The following RGS6 variants were observed in gnomAD, a reference collection of about 807,000 sequenced individuals.
RGS6 encodes the protein regulator of G protein signaling 6.
RGS6 carries 30 observed loss-of-function variants against 78.5 expected under a neutral mutation model. The ratio of observed to expected loss-of-function variants is 0.38; its 90% confidence interval spans 0.29 to 0.52. The LOEUF (loss-of-function observed/expected upper bound fraction) is 0.52. Ranked by LOEUF, RGS6 falls within the 20% of genes least tolerant of loss-of-function variation. RGS6 has a pLI of 0.85. For synonymous variants in RGS6, 206 were observed against 206.0 expected (o/e 1.00, Z 0.00); for missense variants, 495 against 609.7 (o/e 0.81, Z 1.98).
intron 3 of RGS6, among the ~76,000 whole-genome samples, chr14:72,405,458 G>A (rs1197895413): frequency 6.6e-6 from 1 of 152,186 alleles, no homozygotes; most frequent in Non-Finnish European, 1.5e-5. Flanking sequence ...TCAATGACTT[G>A]CTTTCAGAAG....
chr14:72,530,887 G>A (rs1333526109), intron 15 of RGS6, among the ~76,000 whole-genome samples: 1 of 152,198 alleles, frequency 6.6e-6, no homozygotes, highest in African/African-American at 2.4e-5. Context: ...AAGCAAGTAT[G>A]GAGCCAGTAA....
chr14:72,398,690 G>A (rs975510835), intron 3 of RGS6, among the ~76,000 whole-genome samples: 2 of 152,112 alleles, frequency 1.3e-5, no homozygotes, highest in Non-Finnish European at 2.9e-5. Context: ...TGGGCATTTA[G>A]TGCTATAAAT....
At chr14:72,548,577 G>A (rs1223277248) in intron 17 of RGS6, among the ~76,000 whole-genome samples, 3 of 152,132 alleles carry the variant, frequency 2.0e-5, no homozygotes, top group Non-Finnish European at 4.4e-5. Context: ...GTTGCTCTAA[G>A]CAATATTAAG....
chr14:72,356,167 C>T (rs745606721), intron 3 of RGS6, among the ~76,000 whole-genome samples: 19 of 152,110 alleles, frequency 1.2e-4, no homozygotes, highest in Non-Finnish European at 2.1e-4. Flanking sequence ...CTACCCAAAT[C>T]GCATCTCAAA....
At chr14:71,996,433 C>G (rs372044005) in intron 2 of RGS6, among the ~76,000 whole-genome samples, 18 of 152,088 alleles carry the variant, frequency 1.2e-4, no homozygotes, top group East Asian at 1.2e-3. Flanking sequence ...GATGTGCAAT[C>G]TAGTCATTGA....
intron 2 of RGS6, among the ~76,000 whole-genome samples, chr14:72,149,153 T>C (rs1385321852): frequency 2.6e-5 from 4 of 152,200 alleles, no homozygotes; most frequent in Admixed American, 2.0e-4. Flanking sequence ...TCGTGTCCTT[T>C]ACATGTGGCT....
At chr14:72,404,893 C>A (rs2092784500) in intron 3 of RGS6, among the ~76,000 whole-genome samples, 1 of 152,058 alleles carries the variant, frequency 6.6e-6, no homozygotes, top group Non-Finnish European at 1.5e-5. Context: ...TCAGTTTCTC[C>A]CTAGGAGAGT....
chr14:71,995,253 T>G (rs529669139), intron 2 of RGS6, among the ~76,000 whole-genome samples: 15 of 152,248 alleles, frequency 9.9e-5, no homozygotes, highest in Non-Finnish European at 1.8e-4. Flanking sequence ...AATTCTATGT[T>G]CTTCTGGAAA....
chr14:72,599,393 CTTTTTTTTTTTTTTTTTTTT>C, the RGS6 span, among the ~76,000 whole-genome samples: 5 of 78,226 alleles, frequency 6.4e-5, no homozygotes, highest in Non-Finnish European at 1.1e-4. Flanking sequence ...CTTTTCTTTC[CTTTTTTTTTTTTTTTTTTTT>C]TTTTTTTTTT....
chr14:72,077,822 G>C (rs1001803724), intron 2 of RGS6, among the ~76,000 whole-genome samples: 4 of 152,276 alleles, frequency 2.6e-5, no homozygotes, highest in South Asian at 4.1e-4. Flanking sequence ...AGTATTTAGA[G>C]TGCATTAAAT....
At chr14:71,896,830 G>A in the RGS6 span, among the ~76,000 whole-genome samples, 4 of 152,194 alleles carry the variant, frequency 2.6e-5, no homozygotes, top group East Asian at 1.9e-4. Context: ...TATGTGTAGC[G>A]GAAATTGGTC....
chr14:72,072,431 T>G (rs1203362185), intron 2 of RGS6, among the ~76,000 whole-genome samples: 2 of 151,980 alleles, frequency 1.3e-5, no homozygotes, highest in African/African-American at 4.8e-5. Flanking sequence ...GCCTCAGCCT[T>G]CTGAGTGCTG....
intron 2 of RGS6, among the ~76,000 whole-genome samples, chr14:72,082,603 A>G (rs1333577321): frequency 6.6e-6 from 1 of 152,132 alleles, no homozygotes; most frequent in African/African-American, 2.4e-5. Context: ...ACAATTTATA[A>G]AAGTATTGAA....
chr14:71,910,869 A>G, the RGS6 span, among the ~76,000 whole-genome samples: 51 of 152,294 alleles, frequency 3.3e-4, 1 homozygote, highest in South Asian at 1.7e-3. Flanking sequence ...TTGGAACTAA[A>G]TTCCTTGAGG....
chr14:72,610,639 C>T, the RGS6 span, among the ~76,000 whole-genome samples: 4 of 152,196 alleles, frequency 2.6e-5, no homozygotes, highest in African/African-American at 7.2e-5. Flanking sequence ...GACCGTGTGA[C>T]GTAGACAGCA....
chr14:71,963,357 T>C (rs915694473), intron 1 of RGS6, among the ~76,000 whole-genome samples: 37 of 152,230 alleles, frequency 2.4e-4, no homozygotes, highest in Non-Finnish European at 5.3e-4. Flanking sequence ...TATATTTATT[T>C]TTCTTAATTG....
intron 1 of RGS6, among the ~76,000 whole-genome samples, chr14:71,945,370 A>G (rs530728699): frequency 6.6e-6 from 1 of 152,376 alleles, no homozygotes; most frequent in Non-Finnish European, 1.5e-5. Flanking sequence ...TAATTGTTTA[A>G]GAACTATTTG....
At chr14:72,182,717 C>A (rs1436008170) in intron 2 of RGS6, among the ~76,000 whole-genome samples, 1 of 152,180 alleles carries the variant, frequency 6.6e-6, no homozygotes, top group African/African-American at 2.4e-5. Flanking sequence ...AGTGCTCCCA[C>A]TATTTTAGAT....
intron 17 of RGS6, chr14:72,547,467 T>A: frequency 1.4e-6 from 1 of 738,028 alleles, no homozygotes. Context: ...TGAGTGTCCC[T>A]GGTTTGAGTT....
Sources: gnomAD v4.1 joint callset for allele counts (sites outside exome capture counted in the v4.1 genomes callset) on GRCh38, gnomAD v4.1.1 for gene constraint, MANE v1.5 for transcripts, NCBI Gene and HGNC (gene_info 2026-07-23, HGNC 2026-07-21) for gene names.